Variants in PUDP observed in about 807,000 individuals in gnomAD.
PUDP encodes the protein pseudouridine 5'-phosphatase.
In PUDP, 8 loss-of-function variants were observed where a neutral mutation model predicts 9.4. That is an observed-to-expected ratio of 0.85 (90% CI 0.50 to 1.53). The LOEUF (loss-of-function observed/expected upper bound fraction) is 1.53, where lower values mean the gene tolerates loss of function less well. Among genes scored for constraint, PUDP ranks in the 40% most tolerant of loss-of-function variants. The probability of loss-of-function intolerance (pLI) is 0.00; values close to 1 mark genes in which losing one functional copy is unlikely to be tolerated. For synonymous variants in PUDP, 99 were observed against 80.7 expected, an observed-to-expected ratio of 1.23 and a Z score of -1.22; for missense variants, 188 against 189.7, an observed-to-expected ratio of 0.99 and a Z score of 0.05.
At chrX:6,894,782 T>C (rs1927563608) in intron 3 of PUDP, among the ~76,000 whole-genome samples, 1 of 111,908 alleles carries the variant, frequency 8.9e-6, no homozygotes, top group African/African-American at 3.2e-5. Context: ...GGAACTCACA[T>C]GTACCCCAAA....
At chrX:6,927,856 G>A (rs900172490) in intron 3 of PUDP, among the ~76,000 whole-genome samples, 2 of 110,879 alleles carry the variant, frequency 1.8e-5, no homozygotes, top group African/African-American at 6.6e-5. Flanking sequence ...ATTACTAGAG[G>A]GAAGGAATGG....
At chrX:6,917,253 G>A in intron 3 of PUDP, among the ~76,000 whole-genome samples, 1 of 110,757 alleles carries the variant, frequency 9.0e-6, no homozygotes, top group South Asian at 3.9e-4. Context: ...TGCAGTCCCA[G>A]CTACTTGGGA....
intron 3 of PUDP, among the ~76,000 whole-genome samples, chrX:6,888,687 A>C (rs1927467082): frequency 9.0e-6 from 1 of 110,896 alleles, no homozygotes; most frequent in African/African-American, 3.3e-5. Flanking sequence ...AAAGGAGGAA[A>C]TTTGTTTCAC....
At chrX:7,143,908 C>T (rs1932822162) in intron 1 of PUDP, among the ~76,000 whole-genome samples, 1 of 111,545 alleles carries the variant, frequency 9.0e-6, no homozygotes, top group African/African-American at 3.3e-5. Flanking sequence ...AGAGAACCTA[C>T]ATTTCACCTA....
intron 3 of PUDP, among the ~76,000 whole-genome samples, chrX:6,864,039 A>G (rs1427488364): frequency 9.0e-6 from 1 of 111,369 alleles, no homozygotes; most frequent in Non-Finnish European, 1.9e-5. Context: ...CTAAGAGCCC[A>G]TAGCCACATG....
chrX:6,752,377 A>G (rs1925105839), intron 3 of PUDP, among the ~76,000 whole-genome samples: 1 of 111,321 alleles, frequency 9.0e-6, no homozygotes, highest in Admixed American at 9.6e-5. Flanking sequence ...TCTATGTCCT[A>G]TGGAAGAGGT....
chrX:7,046,075 G>A (rs1186253829), downstream of PUDP, among the ~76,000 whole-genome samples: 2 of 112,162 alleles, frequency 1.8e-5, no homozygotes, highest in East Asian at 5.6e-4. Context: ...GGAGTTTCTA[G>A]AAGAATGATA....
intron 3 of PUDP, among the ~76,000 whole-genome samples, chrX:6,751,546 A>G (rs1201692551): frequency 3.6e-4 from 40 of 112,013 alleles, no homozygotes; most frequent in Non-Finnish European, 5.6e-5. Flanking sequence ...TGAAAAGAGA[A>G]GAAAAAGAAA....
intron 1 of PUDP, among the ~76,000 whole-genome samples, chrX:7,138,687 C>G (rs1209368328): frequency 9.0e-6 from 1 of 111,432 alleles, no homozygotes; most frequent in Non-Finnish European, 1.9e-5. Context: ...TCTCGTATTT[C>G]TCAATGAAAC....
At chrX:6,866,833 CATT>C (rs1042794161) in intron 3 of PUDP, among the ~76,000 whole-genome samples, 1 of 111,730 alleles carries the variant, frequency 9.0e-6, no homozygotes, top group African/African-American at 3.3e-5. Flanking sequence ...ATGGGACTCA[CATT>C]ATGGTGGAGA....
chrX:6,850,986 G>A (rs1926818867), intron 3 of PUDP, among the ~76,000 whole-genome samples: 1 of 112,027 alleles, frequency 8.9e-6, no homozygotes, highest in South Asian at 3.7e-4. Context: ...ATTTTGAAAA[G>A]TTCATTTTTA....
At chrX:6,961,736 A>G (rs1420329363) in intron 3 of PUDP, among the ~76,000 whole-genome samples, 5 of 111,649 alleles carry the variant, frequency 4.5e-5, no homozygotes, top group African/African-American at 1.6e-4. Flanking sequence ...CCCTAAGTTT[A>G]TATAGATGGT....
chrX:6,829,964 AC>A (rs1926480263), intron 3 of PUDP, among the ~76,000 whole-genome samples: 1 of 110,629 alleles, frequency 9.0e-6, no homozygotes, highest in Non-Finnish European at 1.9e-5. Context: ...TTAATCCAGA[AC>A]ATTAATTGAA....
chrX:6,748,426 C>T (rs187288878), intron 3 of PUDP, among the ~76,000 whole-genome samples: 7 of 111,907 alleles, frequency 6.3e-5, no homozygotes, highest in Admixed American at 2.9e-4. Flanking sequence ...TTCTCAAATA[C>T]GGTGCAGGCA....
chrX:7,096,935 T>A (rs1430498793), intron 2 of PUDP, among the ~76,000 whole-genome samples: 1 of 110,925 alleles, frequency 9.0e-6, no homozygotes, highest in African/African-American at 3.3e-5. Context: ...AGTGACAAAT[T>A]TCATGATGCG....
At chrX:6,751,203 A>G (rs1021849925) in intron 3 of PUDP, among the ~76,000 whole-genome samples, 6 of 111,425 alleles carry the variant, frequency 5.4e-5, no homozygotes, top group Middle Eastern at 4.2e-3. Flanking sequence ...GAAAGAAAGA[A>G]AAAGAAAATT....
chrX:6,901,224 G>A (rs1463104489), intron 3 of PUDP, among the ~76,000 whole-genome samples: 2 of 112,017 alleles, frequency 1.8e-5, no homozygotes, highest in African/African-American at 6.5e-5. Flanking sequence ...TGGCTGCAGA[G>A]ATGATGTAAG....
At chrX:6,711,032 G>A (rs1205475231) in intron 1 of PUDP, among the ~76,000 whole-genome samples, 1 of 111,768 alleles carries the variant, frequency 8.9e-6, no homozygotes, top group Non-Finnish European at 1.9e-5. Flanking sequence ...CCAACTGGAA[G>A]GAAATATCAC....
intron 3 of PUDP, among the ~76,000 whole-genome samples, chrX:6,767,476 C>A (rs1311836200): frequency 8.9e-6 from 1 of 112,444 alleles, no homozygotes; most frequent in Non-Finnish European, 1.9e-5. Flanking sequence ...CATGGCCATA[C>A]AGAAATAAAA....
Sources: allele counts gnomAD v4.1 joint callset (sites outside exome capture counted in the v4.1 genomes callset), GRCh38; gene constraint gnomAD v4.1.1; transcripts MANE v1.5; gene names NCBI Gene and HGNC (gene_info 2026-07-23, HGNC 2026-07-21).